The following DLG1 variants were observed in gnomAD, a reference collection of about 807,000 sequenced individuals.
DLG1 encodes disks large homolog 1.
A neutral mutation model predicts 123.4 loss-of-function variants in DLG1; 42 were observed. The observed-to-expected ratio is 0.34, with a 90% CI of 0.27 to 0.44. DLG1 has a LOEUF of 0.44. Ranked by LOEUF, DLG1 falls within the 20% of genes least tolerant of loss-of-function variation. The pLI is 1.00. For synonymous variants in DLG1, 317 were observed against 356.2 expected (o/e 0.89, Z 1.24); for missense variants, 942 against 1,082.6 (o/e 0.87, Z 1.82).
At chr3:197,295,327 C>A (rs895451876) in intron 3 of DLG1, among the ~76,000 whole-genome samples, 1 of 152,188 alleles carries the variant, frequency 6.6e-6, no homozygotes, top group Non-Finnish European at 1.5e-5. Flanking sequence ...ACAGGACACA[C>A]TGACTTGAAA....
At chr3:197,244,119 G>A (rs910302566) in intron 4 of DLG1, among the ~76,000 whole-genome samples, 1 of 152,154 alleles carries the variant, frequency 6.6e-6, no homozygotes, top group Admixed American at 6.6e-5. Context: ...ATCCCTTTAG[G>A]TCTCCAAGAA....
At chr3:197,275,799 G>A (rs1315729210) in intron 4 of DLG1, among the ~76,000 whole-genome samples, 2 of 152,044 alleles carry the variant, frequency 1.3e-5, no homozygotes, top group Non-Finnish European at 2.9e-5. Flanking sequence ...AATACAATTA[G>A]AAGTGTTCAA....
intron 5 of DLG1, among the ~76,000 whole-genome samples, chr3:197,169,285 C>T (rs1364484500): frequency 1.3e-5 from 2 of 152,186 alleles, no homozygotes; most frequent in African/African-American, 2.4e-5. Context: ...AAGTGGTTTT[C>T]ATTATGTGCA....
rs78788540 is a variant in DLG1, at chr3:197,195,293, A to T, written c.319-704T>A. Among the ~76,000 whole-genome samples, 516 of 134,232 alleles carry T rather than the reference A, an allele frequency of 3.8e-3. 3 individuals are homozygous for T. Among genetic ancestry groups the T allele is most frequent in the African/African-American group, 0.013 (412 of 31,874 alleles). The allele number at this position is 134,232 out of a possible 152,430, so 88.1% of individuals were successfully genotyped here. A position where few individuals can be genotyped will look rare whatever the true frequency, so the allele number is the denominator to read the frequency against. ...ATTAAGTTGCTCTTATCAATGATTT[A>T]AAAAAAAAAAAGCGAACATAAAGTG... On this transcript the variant is annotated intron_variant, in intron 4 of 24. Transcript: ENST00000667157.
rs1721178554 is a variant in DLG1 at position 197,043,336 on chromosome 3, C to T, written c.*1287G>A. On this transcript the variant is annotated 3_prime_UTR_variant, in exon 25 of 25. Coordinates refer to ENST00000667157, the MANE Select transcript of DLG1 (RefSeq NM_001366207.1). ...AACCTGATGACAAGAACAACAGTAA[C>T]AACACGGACAACAACAAAAAACCTC... 6.6e-6 allele frequency: 1 copy of T among 152,102 alleles called. No individual in the cohort carries two copies. Among genetic ancestry groups the T allele is most frequent in the Non-Finnish European group, 1.5e-5 (1 of 68,022 alleles). 9.4% of individuals were successfully genotyped at this position (152,102 alleles called of 1,614,324 possible).
chr3:197,064,864 T>G (rs1738502890), intron 22 of DLG1, among the ~76,000 whole-genome samples: 1 of 151,930 alleles, frequency 6.6e-6, no homozygotes, highest in African/African-American at 2.4e-5. Flanking sequence ...TGGAGTTCAG[T>G]GGCATGCTCA....
intron 3 of DLG1, among the ~76,000 whole-genome samples, chr3:197,288,741 AAAATACATACATAC>A (rs1484561605): frequency 2.7e-4 from 17 of 63,424 alleles, no homozygotes; most frequent in South Asian, 1.7e-3. Context: ...AAAAAAAAAA[AAAATACATACATAC>A]ATACATACAT....
At chr3:197,149,947 G>A in intron 5 of DLG1, 151 bp from the exon 6 acceptor site, 1 of 569,534 alleles carries the variant, frequency 1.8e-6, no homozygotes, top group Non-Finnish European at 3.1e-6. Flanking sequence ...CCTTTCTCCA[G>A]CACCAAACAG....
intron 5 of DLG1, among the ~76,000 whole-genome samples, chr3:197,164,363 C>G (rs766447327): frequency 2.6e-5 from 4 of 152,052 alleles, no homozygotes; most frequent in Non-Finnish European, 4.4e-5. Context: ...CGCCATTGCA[C>G]TCCAGCCTGG....
chr3:197,085,379 C>A, intron 16 of DLG1: 1 of 553,838 alleles, frequency 1.8e-6, no homozygotes, highest in Non-Finnish European at 3.2e-6. Flanking sequence ...CTGGTAACCA[C>A]CATTCTTCTC....
chr3:197,278,439 T>G (rs1299207489), intron 4 of DLG1, among the ~76,000 whole-genome samples: 2 of 151,446 alleles, frequency 1.3e-5, no homozygotes, highest in Non-Finnish European at 2.9e-5. Context: ...CCACTGCACT[T>G]CAGCCTGGGT....
rs550929869 is a variant in DLG1 at position 197,146,513 on chromosome 3, G to C, written c.537+3230C>G. Among the ~76,000 whole-genome samples the C allele has an allele frequency of 3.9e-5, 6 of 152,294 alleles. 1 individual carries two copies. The South Asian group carries it at 1.2e-3, about 32-fold the overall frequency. ...TAAAGCCAAATACTTACAGCCACCTGATCTTTGACAAAGCAAACAAAAACA... is the reference window on the plus strand; with the variant it reads ...TAAAGCCAAATACTTACAGCCACCTCATCTTTGACAAAGCAAACAAAAACA... On this transcript the variant is annotated intron_variant, in intron 6 of 24. Transcript: ENST00000667157.
intron 4 of DLG1, among the ~76,000 whole-genome samples, chr3:197,215,101 G>A (rs755531902): frequency 1.2e-4 from 19 of 152,116 alleles, no homozygotes; most frequent in African/African-American, 1.9e-4. Context: ...TGATAGCAGC[G>A]AAACTTGTTA....
At chr3:197,097,068 C>T (rs564566070) in intron 14 of DLG1, among the ~76,000 whole-genome samples, 1 of 152,270 alleles carries the variant, frequency 6.6e-6, no homozygotes, top group South Asian at 2.1e-4. Context: ...ACTTTACTTA[C>T]CCCCATTAAT....
chr3:197,105,046 A>G, intron 13 of DLG1, 41 bp from the exon 14 acceptor site: 1 of 1,328,230 alleles, frequency 7.5e-7, no homozygotes, highest in Non-Finnish European at 1.1e-6. Context: ...GAAAAGAATC[A>G]CTGTGATTAG....
At chr3:197,120,273 GAAAAAAA>G (rs3050713) in intron 11 of DLG1, among the ~76,000 whole-genome samples, 10 of 127,600 alleles carry the variant, frequency 7.8e-5, no homozygotes, top group Non-Finnish European at 1.0e-4. Context: ...TCTCGAGAAA[GAAAAAAA>G]AAAAAAAAAA....
rs1313434555 is a variant in DLG1, at chr3:197,245,906, G to GA, written c.318+36772_318+36773insT. ...GACAATACTTTTTTTTTTTTGGGGG[G>GA]GGGGGAGGTGGCAAATGAAGGTTAT... On this transcript the variant is annotated intron_variant, in intron 4 of 24. Coordinates refer to ENST00000667157, the MANE Select transcript of DLG1 (RefSeq NM_001366207.1). Among the ~76,000 whole-genome samples the GA allele has an allele frequency of 4.9e-5, 7 of 141,606 alleles. No homozygotes were observed. The South Asian group carries it at 9.7e-4, about 20-fold the overall frequency. 92.9% of individuals were successfully genotyped at this position (141,606 alleles called of 152,430 possible). A position where few individuals can be genotyped will look rare whatever the true frequency, so the allele number is the denominator to read the frequency against.
intron 5 of DLG1, among the ~76,000 whole-genome samples, chr3:197,182,972 G>A (rs1446696317): frequency 6.6e-6 from 1 of 151,900 alleles, no homozygotes; most frequent in Non-Finnish European, 1.5e-5. Context: ...AATATTCCAT[G>A]ACTGTGTAAT....
At chr3:197,099,330 G>C (rs1424231000) in intron 14 of DLG1, among the ~76,000 whole-genome samples, 1 of 152,188 alleles carries the variant, frequency 6.6e-6, no homozygotes, top group African/African-American at 2.4e-5. Flanking sequence ...CTCCCGAAGT[G>C]CTAACCACTA....
Sources: gnomAD v4.1 joint callset for allele counts (sites outside exome capture counted in the v4.1 genomes callset) on GRCh38, gnomAD v4.1.1 for gene constraint, MANE v1.5 for transcripts, NCBI Gene and HGNC (gene_info 2026-07-23, HGNC 2026-07-21) for gene names.